Variants in BCL11A observed in about 807,000 individuals in gnomAD.
BCL11A encodes the protein BCL11 transcription factor A.
A neutral mutation model predicts 55.9 loss-of-function variants in BCL11A; 2 were observed. The observed-to-expected ratio is 0.04, with a 90% CI of 0.01 to 0.11. The LOEUF (loss-of-function observed/expected upper bound fraction) is 0.11. BCL11A is among the 10% of genes least tolerant of loss of function. The pLI, the probability that BCL11A is intolerant of heterozygous loss-of-function variation, is 1.00. For synonymous variants in BCL11A, 465 were observed against 473.4 expected, an observed-to-expected ratio of 0.98 and a Z score of 0.23; for missense variants, 817 against 1,137.1, an observed-to-expected ratio of 0.72 and a Z score of 4.05.
chr2:60,514,973 G>T (rs911018938), intron 2 of BCL11A, among the ~76,000 whole-genome samples: 9 of 151,852 alleles, frequency 5.9e-5, no homozygotes, highest in African/African-American at 2.2e-4. Flanking sequence ...GCAGGCCCCA[G>T]TCCCTTCCGA....
intron 3 of BCL11A, among the ~76,000 whole-genome samples, chr2:60,467,282 G>A (rs1676751339): frequency 5.0e-5 from 5 of 99,634 alleles, no homozygotes; most frequent in Non-Finnish European, 6.0e-5. Flanking sequence ...GGTGGTGGTG[G>A]TAGTGATGGT....
chr2:60,535,047 T>C (rs1669609533), intron 2 of BCL11A: 1 of 152,206 alleles, frequency 6.6e-6, no homozygotes, highest in Non-Finnish European at 1.5e-5. Flanking sequence ...GTGCACCGAA[T>C]GTACATGTTA....
Position 60,479,540 on chromosome 2 carries a change from T to C in BCL11A, c.386-10707A>G, listed in dbSNP as rs574161251. Among the ~76,000 whole-genome samples, 43 of 152,326 alleles carry C rather than the reference T, an allele frequency of 2.8e-4. No individual in the cohort carries two copies. In the East Asian group the frequency reaches 7.9e-3, roughly 28 times the overall value. The stretch of plus-strand genomic sequence containing the variant: ...TGCTTCCAGGGCCTCAACCTTCTAC[T>C]GCTGGGTAGAAAGCCCCCTCTGTCA... On this transcript the variant is annotated intron_variant, in intron 2 of 3. Transcript: ENST00000642384.
chr2:60,511,993 G>A (rs763199646), intron 2 of BCL11A, among the ~76,000 whole-genome samples: 1 of 152,188 alleles, frequency 6.6e-6, no homozygotes. Flanking sequence ...AGCTCATGGC[G>A]TAATACTTGC....
chr2:60,533,322 A>G (rs967328607), intron 2 of BCL11A: 1 of 152,190 alleles, frequency 6.6e-6, no homozygotes, highest in African/African-American at 2.4e-5. Flanking sequence ...CCTTTCTTGT[A>G]AAGTTTGGGG....
In BCL11A at chr2:60,545,744, T is replaced by G. The variant is rs72964450; in HGVS notation, c.385+227A>C. On this transcript the variant is annotated intron_variant, in intron 2 of 3. Transcript: ENST00000642384. ...AGATCCAGAGAGAAGGTGTCTGATG[T>G]GTGTACCTATCCTGCCTACATCTGA... 2.4e-5 allele frequency: 13 copies of G among 535,822 alleles called. 1 individual carries two copies. In the Admixed American group the frequency reaches 4.0e-4, roughly 16 times the overall value. The allele number at this position is 535,822 out of a possible 1,614,324, so 33.2% of individuals were successfully genotyped here.
intron 3 of BCL11A, among the ~76,000 whole-genome samples, chr2:60,465,359 A>G (rs941636220): frequency 2.0e-5 from 3 of 152,254 alleles, no homozygotes; most frequent in African/African-American, 4.8e-5. Context: ...ATGAAAATCA[A>G]CTTCTCAATT....
At chr2:60,520,265 T>A (rs1175931812) in intron 2 of BCL11A, among the ~76,000 whole-genome samples, 1 of 152,238 alleles carries the variant, frequency 6.6e-6, no homozygotes, top group East Asian at 1.9e-4. Context: ...ATTTTCACCC[T>A]TACAATAAAC....
At chr2:60,523,651 ATT>A (rs34605417) in intron 2 of BCL11A, among the ~76,000 whole-genome samples, 3 of 143,636 alleles carry the variant, frequency 2.1e-5, no homozygotes, top group East Asian at 2.0e-4. Context: ...GTGTTTGGGG[ATT>A]TTTTTTTTTT....
Position 60,546,135 on chromosome 2 carries a change from C to A in BCL11A, c.221G>T (p.Ser74Ile). Reference protein sequence around the residue: ...IEHKRKQCNGSLCLEKAVDKP... With the variant: ...IEHKRKQCNGILCLEKAVDKP... ...ATCCACAGCTTTTTCTAAGCAGAGG[C>A]TGCCATTGCATTGTTTCCGTTTGTG... is the stretch of plus-strand genomic sequence containing the variant. The change falls in exon 2 of 4, where the codon AGC becomes ATC. Residue 74 changes from serine (S) to isoleucine (I), a missense_variant. By Grantham distance (142) the Ser-to-Ile change is moderately radical. Coordinates refer to ENST00000642384, the MANE Select transcript of BCL11A (RefSeq NM_022893.4). The surrounding 1 kb of genome is among the most constrained non-coding windows in gnomAD (Gnocchi z 4.1). 6.2e-7 allele frequency: 1 copy of A among 1,614,222 alleles called. No homozygotes were observed. Among genetic ancestry groups the A allele is most frequent in the Non-Finnish European group, 8.5e-7 (1 of 1,180,042 alleles).
At chr2:60,489,616 T>C (rs1288158329) in intron 2 of BCL11A, among the ~76,000 whole-genome samples, 1 of 152,202 alleles carries the variant, frequency 6.6e-6, no homozygotes, top group Admixed American at 6.5e-5. Flanking sequence ...GAAAAGAAAG[T>C]CTGACATTTG....
At chr2:60,515,104 C>T (rs1238566992) in intron 2 of BCL11A, among the ~76,000 whole-genome samples, 1 of 152,174 alleles carries the variant, frequency 6.6e-6, no homozygotes, top group Non-Finnish European at 1.5e-5. Context: ...TAAGGATCCT[C>T]CCCCACGTGC....
intron 2 of BCL11A, among the ~76,000 whole-genome samples, chr2:60,510,275 C>A (rs1679908820): frequency 6.6e-6 from 1 of 152,066 alleles, no homozygotes; most frequent in African/African-American, 2.4e-5. Flanking sequence ...GCCAGCTGGT[C>A]TCCTCTCCTC....
At chr2:60,500,338 C>T (rs551464624) in intron 2 of BCL11A, among the ~76,000 whole-genome samples, 2 of 152,268 alleles carry the variant, frequency 1.3e-5, no homozygotes, top group South Asian at 4.1e-4. Context: ...GGGCCAGTTC[C>T]CCCATTATGC....
chr2:60,458,087 C>T lies in BCL11A; in HGVS notation c.*2317G>A. On this transcript the variant is annotated 3_prime_UTR_variant, in exon 4 of 4. Coordinates refer to ENST00000642384, the MANE Select transcript of BCL11A (RefSeq NM_022893.4). ...CATTGATACCTTTTAAGAGAACAAG[C>T]AACAGTTAAAAATACAAGCTTCAAT... The T allele has an allele frequency of 9.7e-7, 1 of 1,030,856 alleles. No individual in the cohort carries two copies. 63.9% of individuals were successfully genotyped at this position (1,030,856 alleles called of 1,614,324 possible). A position where few individuals can be genotyped will look rare whatever the true frequency, so the allele number is the denominator to read the frequency against.
chr2:60,454,425 C>T (rs541634330), downstream of BCL11A, among the ~76,000 whole-genome samples: 1 of 151,976 alleles, frequency 6.6e-6, no homozygotes, highest in Non-Finnish European at 1.5e-5. Context: ...ATCCTCATAT[C>T]GGCAAAGTTC....
intron 2 of BCL11A, chr2:60,545,723 C>G (rs1670118797): frequency 2.1e-6 from 1 of 467,976 alleles, no homozygotes; most frequent in Admixed American, 3.8e-5. Context: ...ATCGACAGAT[C>G]CAGAGAGAAG....
chr2:60,544,175 CTG>C (rs1351511919), intron 2 of BCL11A: 2 of 152,236 alleles, frequency 1.3e-5, no homozygotes, highest in African/African-American at 4.8e-5. Context: ...TTGACAGACA[CTG>C]TGTTTTGTCT....
At chr2:60,533,900 C>G (rs902869441) in intron 2 of BCL11A, 4 of 152,232 alleles carry the variant, frequency 2.6e-5, no homozygotes, top group Admixed American at 1.3e-4. Flanking sequence ...CACGGTAGGG[C>G]AGTGCTAGGT....
Sources: gnomAD v4.1 joint callset for allele counts (sites outside exome capture counted in the v4.1 genomes callset) on GRCh38, gnomAD v4.1.1 for gene constraint, Gnocchi (gnomAD v3.1) non-coding constraint, MANE v1.5 for transcripts, NCBI Gene and HGNC (gene_info 2026-07-23, HGNC 2026-07-21) for gene names.